The following FGD5 variants were observed in gnomAD, a reference collection of about 807,000 sequenced individuals.
FGD5 encodes FYVE, RhoGEF and PH domain-containing protein 5.
Under a neutral mutation model 133.4 loss-of-function variants are expected in FGD5, and 28 were observed. The observed-to-expected ratio is 0.21, with a 90% CI of 0.16 to 0.29. FGD5 has a LOEUF of 0.29. FGD5 is among the 10% of genes least tolerant of loss of function. FGD5 has a pLI of 1.00. For missense variants in FGD5, 1,858 were observed against 1,895.2 expected (o/e 0.98, Z 0.36); for synonymous variants, 810 against 776.5 (o/e 1.04, Z -0.72).
At position 14,901,128 on chromosome 3, in the gene FGD5, C is replaced by A; in HGVS notation, c.3264+67C>A. 1.9e-6 allele frequency: 3 copies of A among 1,553,680 alleles called. No homozygotes were observed. The South Asian group carries it at 3.3e-5, about 17-fold the overall frequency. On this transcript the variant is annotated intron_variant, in intron 9 of 19. Coordinates refer to ENST00000285046, the MANE Select transcript of FGD5 (RefSeq NM_152536.4). ...CAGGCACCTCCCCACCAGCTCCGGTCAGCCTTCTGATGCCCCACTCCTAGG... is the reference window on the plus strand; with the variant it reads ...CAGGCACCTCCCCACCAGCTCCGGTAAGCCTTCTGATGCCCCACTCCTAGG...
intron 1 of FGD5, among the ~76,000 whole-genome samples, chr3:14,837,147 G>A (rs2036831292): frequency 6.6e-6 from 1 of 151,510 alleles, no homozygotes; most frequent in Non-Finnish European, 1.5e-5. Flanking sequence ...TTGGTCAGCG[G>A]TGGTGCCAAG....
chr3:14,915,069 A>G (rs965103831), intron 11 of FGD5, among the ~76,000 whole-genome samples: 2 of 152,256 alleles, frequency 1.3e-5, no homozygotes, highest in Non-Finnish European at 2.9e-5. Context: ...TGCTTTGCAC[A>G]GCAGCAGAGT....
intron 13 of FGD5, among the ~76,000 whole-genome samples, chr3:14,920,172 C>T (rs964850380): frequency 2.0e-5 from 3 of 152,052 alleles, no homozygotes; most frequent in Non-Finnish European, 4.4e-5. Flanking sequence ...AGCTCTTCAG[C>T]CAGGGACGTG....
At chr3:14,817,583 G>T (rs1160096099), upstream of FGD5, among the ~76,000 whole-genome samples, 1 of 152,188 alleles carries the variant, frequency 6.6e-6, no homozygotes, top group Non-Finnish European at 1.5e-5. Flanking sequence ...GGACAGCCCT[G>T]GATTAGAGAT....
In FGD5 at chr3:14,900,456, G is replaced by C. The variant is rs757648718; in HGVS notation, c.3205+3G>C. On this transcript the variant is annotated splice_donor_region_variant and intron_variant, in intron 8 of 19. Coordinates refer to ENST00000285046, the MANE Select transcript of FGD5 (RefSeq NM_152536.4). ...CGCCGAGTACGACAACACACAGGGT[G>C]AGTCCAGCGTGAATGCGGAGGGAGG... is the stretch of plus-strand genomic sequence containing the variant. The C allele has an allele frequency of 5.0e-5, 81 of 1,613,034 alleles. 3 individuals carry two copies. In the South Asian group the frequency reaches 8.7e-4, roughly 17 times the overall value.
At chr3:14,823,653 C>G (rs1357457825) in intron 1 of FGD5, among the ~76,000 whole-genome samples, 2 of 152,168 alleles carry the variant, frequency 1.3e-5, no homozygotes, top group East Asian at 1.9e-4. Flanking sequence ...TGTCCAAACC[C>G]AGACTTCTTG....
At chr3:14,924,685 A>G (rs536808633) in intron 17 of FGD5, among the ~76,000 whole-genome samples, 2 of 152,346 alleles carry the variant, frequency 1.3e-5, no homozygotes, top group East Asian at 3.8e-4. Flanking sequence ...GCTGCTTCCA[A>G]GTTAGTCCAT....
rs58244401 is a variant in FGD5 at position 14,897,830 on chromosome 3, G to A, written c.2910-109G>A. The A allele has an allele frequency of 0.027, 40,024 of 1,498,736 alleles. 2,365 individuals are homozygous for A. The East Asian group carries it at 0.27, about 10-fold the overall frequency. The allele number at this position is 1,498,736 out of a possible 1,614,324, so 92.8% of individuals were successfully genotyped here. A position where few individuals can be genotyped will look rare whatever the true frequency, so the allele number is the denominator to read the frequency against. ...CTCAAAGTAAAACAACTGTGCAAGG[G>A]TTGAGCTGGGATCTGCACCCAGGGA... On this transcript the variant is annotated intron_variant, in intron 5 of 19. Coordinates refer to ENST00000285046, the MANE Select transcript of FGD5 (RefSeq NM_152536.4).
intron 11 of FGD5, among the ~76,000 whole-genome samples, chr3:14,915,641 C>A (rs1235649595): frequency 2.0e-5 from 3 of 151,982 alleles, no homozygotes. Flanking sequence ...GTCCGGGGCT[C>A]ACCCTAGTTC....
intron 4 of FGD5, among the ~76,000 whole-genome samples, chr3:14,895,929 A>G (rs1175215253): frequency 6.6e-6 from 1 of 152,234 alleles, no homozygotes; most frequent in African/African-American, 2.4e-5. Context: ...AAACAAATTC[A>G]GCAAAGTTGC....
intron 1 of FGD5, among the ~76,000 whole-genome samples, chr3:14,831,009 T>G (rs1465966047): frequency 1.3e-5 from 2 of 152,112 alleles, no homozygotes; most frequent in African/African-American, 4.8e-5. Flanking sequence ...AAGACACACT[T>G]TAGACAGGGT....
At chr3:14,843,520 A>G (rs2036965043) in intron 1 of FGD5, among the ~76,000 whole-genome samples, 1 of 151,928 alleles carries the variant, frequency 6.6e-6, no homozygotes, top group Admixed American at 6.6e-5. Flanking sequence ...TGTGCCATCC[A>G]GATGCCAGGT....
At chr3:14,863,441 C>T (rs1396853407) in intron 1 of FGD5, among the ~76,000 whole-genome samples, 1 of 152,226 alleles carries the variant, frequency 6.6e-6, no homozygotes, top group Non-Finnish European at 1.5e-5. Flanking sequence ...TTACTCGATG[C>T]CTAGCCCATG....
rs541017506 is a variant in FGD5 at position 14,845,798 on chromosome 3, A to C, written c.2526-18330A>C. Among the ~76,000 whole-genome samples, 12 of 152,256 alleles carry C rather than the reference A, an allele frequency of 7.9e-5. No homozygotes were observed. The South Asian group carries it at 2.5e-3, about 32-fold the overall frequency. On this transcript the variant is annotated intron_variant, in intron 1 of 19. Transcript: ENST00000285046. ...ACAGTTTGAAAACTGCCTTTAATAC[A>C]CTTTATGTTCAGACCCTGGGATACA...
intron 18 of FGD5, among the ~76,000 whole-genome samples, chr3:14,930,178 A>G (rs532728615): frequency 1.2e-4 from 19 of 152,264 alleles, no homozygotes; most frequent in Non-Finnish European, 2.4e-4. Context: ...CTATTTCTGG[A>G]CTTTCCATTG....
intron 18 of FGD5, among the ~76,000 whole-genome samples, chr3:14,927,445 C>T (rs2038825114): frequency 6.6e-6 from 1 of 151,992 alleles, no homozygotes; most frequent in Non-Finnish European, 1.5e-5. Context: ...ATAGTGAAAC[C>T]CTATCTCAAC....
intron 2 of FGD5, among the ~76,000 whole-genome samples, chr3:14,879,277 C>T (rs9872111): frequency 0.026 from 3,999 of 152,322 alleles, 177 homozygotes; most frequent in African/African-American, 0.088. Context: ...CTGCCAGCCA[C>T]GCCTGCACAT....
chr3:14,855,275 G>A (rs2037256199), intron 1 of FGD5, among the ~76,000 whole-genome samples: 1 of 152,206 alleles, frequency 6.6e-6, no homozygotes, highest in South Asian at 2.1e-4. Flanking sequence ...TACCTAGGTT[G>A]ATTCTGTATC....
At position 14,926,164 on chromosome 3, in the gene FGD5, A is replaced by G. The variant is rs951267284; in HGVS notation, c.4163A>G (p.Lys1388Arg). The change falls in exon 18 of 20, where the codon AAA becomes AGA. Residue 1388 changes from lysine to arginine, a missense_variant. Physicochemically the swap from Lys to Arg is conservative, Grantham distance 26. Coordinates refer to ENST00000285046, the MANE Select transcript of FGD5 (RefSeq NM_152536.4). ...RHWKKLWFVIKGKVLYTYMAS... is the reference protein window; with the variant it reads ...RHWKKLWFVIRGKVLYTYMAS... ...TGGAAGAAGCTCTGGTTTGTCATCA[A>G]AGGCAAAGTTCTCTACACCTACATG... The G allele has an allele frequency of 6.2e-7, 1 of 1,613,662 alleles. No individual in the cohort carries two copies. Among genetic ancestry groups the G allele is most frequent in the Admixed American group, 1.7e-5 (1 of 60,006 alleles).
Sources: gnomAD v4.1 joint callset for allele counts (sites outside exome capture counted in the v4.1 genomes callset) on GRCh38, gnomAD v4.1.1 for gene constraint, MANE v1.5 for transcripts, NCBI Gene and HGNC (gene_info 2026-07-23, HGNC 2026-07-21) for gene names.